HACD2: variants seen among roughly 807,000 people sequenced by gnomAD.
HACD2 encodes very-long-chain (3R)-3-hydroxyacyl-CoA dehydratase 2.
Under a neutral mutation model 31.0 loss-of-function variants are expected in HACD2, and 15 were observed. The observed-to-expected ratio is 0.48, with a 90% CI of 0.32 to 0.75. The LOEUF (loss-of-function observed/expected upper bound fraction) is 0.75. HACD2 is among the 30% of genes least tolerant of loss of function. The probability of loss-of-function intolerance (pLI) is 0.03; values close to 1 mark genes in which losing one functional copy is unlikely to be tolerated. For missense variants in HACD2, 283 were observed against 313.0 expected (o/e 0.90, Z 0.72); for synonymous variants, 115 against 122.2 (o/e 0.94, Z 0.39).
Position 123,582,159 on chromosome 3 carries a change from G to C in HACD2, c.273+53C>G, listed in dbSNP as rs191722233. 1.5e-4 allele frequency: 192 copies of C among 1,246,824 alleles called. 1 individual carries two copies. In the East Asian group the frequency reaches 4.6e-3, roughly 30 times the overall value. 77.2% of individuals were successfully genotyped at this position (1,246,824 alleles called of 1,614,324 possible). ...CTACTTCAATATAATTTAGTTGCAT[G>C]TTTTTCTTCATACCAATGGAAATCA... On this transcript the variant is annotated intron_variant, in intron 2 of 6. Transcript: ENST00000383657.
chr3:123,499,756 T>A, intron 6 of HACD2: 1 of 389,590 alleles, frequency 2.6e-6, no homozygotes, highest in South Asian at 1.9e-5. Flanking sequence ...TCGTTGGTTA[T>A]AAGAAGATCT....
intron 3 of HACD2, among the ~76,000 whole-genome samples, chr3:123,546,705 A>G (rs1354854138): frequency 5.9e-5 from 9 of 152,234 alleles, no homozygotes; most frequent in South Asian, 2.1e-4. Context: ...GAATTCTGGT[A>G]TGCATAACCA....
chr3:123,494,737 T>A lies in HACD2; in HGVS notation c.*151A>T. On this transcript the variant is annotated 3_prime_UTR_variant, in exon 7 of 7. Transcript: ENST00000383657. ...TTTCTAAAATAAAATCTCAGGCCCA[T>A]GTGACACTGGATTTTTGTTTTAGTT... The A allele has an allele frequency of 3.0e-6, 2 of 663,408 alleles. No individual in the cohort carries two copies. Among genetic ancestry groups the A allele is most frequent in the Middle Eastern group, 3.6e-4 (1 of 2,800 alleles). The allele number at this position is 663,408 out of a possible 1,614,324, so 41.1% of individuals were successfully genotyped here. A position where few individuals can be genotyped will look rare whatever the true frequency, so the allele number is the denominator to read the frequency against.
chr3:123,531,653 C>A (rs1283424334), intron 3 of HACD2, among the ~76,000 whole-genome samples: 2 of 152,204 alleles, frequency 1.3e-5, no homozygotes, highest in Non-Finnish European at 2.9e-5. Flanking sequence ...CACACACACA[C>A]ACAACGATTT....
intron 2 of HACD2, among the ~76,000 whole-genome samples, chr3:123,580,575 G>A (rs1370510945): frequency 6.6e-6 from 1 of 151,810 alleles, no homozygotes; most frequent in East Asian, 2.0e-4. Flanking sequence ...CTTGAGCCAA[G>A]GAGTTTGAGA....
chr3:123,521,098 C>T (rs998544377), intron 4 of HACD2, among the ~76,000 whole-genome samples: 2 of 152,022 alleles, frequency 1.3e-5, no homozygotes, highest in East Asian at 1.9e-4. Flanking sequence ...AGATACCACC[C>T]GACAGTATAG....
chr3:123,517,054 T>TGC (rs1195043440), intron 4 of HACD2, among the ~76,000 whole-genome samples: 1 of 152,232 alleles, frequency 6.6e-6, no homozygotes, highest in Admixed American at 6.5e-5. Flanking sequence ...GCAAAGCCCT[T>TGC]GCCATTTAAG....
rs1314023163 is a variant in HACD2 at position 123,528,532 on chromosome 3, T to C, written c.293-58A>G. ...TACTGTACTAAGTTTCGATATATAA[T>C]ATATTTTCTAAAACATTCCAACTTA... On this transcript the variant is annotated intron_variant, in intron 3 of 6. Coordinates refer to ENST00000383657, the MANE Select transcript of HACD2 (RefSeq NM_198402.5). 6.8e-6 allele frequency: 7 copies of C among 1,030,448 alleles called. No individual in the cohort carries two copies. In the Admixed American group the frequency reaches 7.1e-5, roughly 10 times the overall value. 63.8% of individuals were successfully genotyped at this position (1,030,448 alleles called of 1,614,324 possible).
At chr3:123,537,963 A>C (rs556900707) in intron 3 of HACD2, among the ~76,000 whole-genome samples, 6 of 152,332 alleles carry the variant, frequency 3.9e-5, no homozygotes, top group Admixed American at 2.0e-4. Context: ...TATAATCTTA[A>C]ACAGGAATTT....
chr3:123,509,846 A>T (rs1167928877), intron 4 of HACD2, among the ~76,000 whole-genome samples: 1 of 151,966 alleles, frequency 6.6e-6, no homozygotes, highest in African/African-American at 2.4e-5. Flanking sequence ...TTTCTCTGAC[A>T]GATTGTGTGG....
chr3:123,584,832 C>G (rs1257574742), intron 1 of HACD2, 41 bp downstream of exon 1: 1 of 1,443,366 alleles, frequency 6.9e-7, no homozygotes, highest in Non-Finnish European at 9.2e-7. Context: ...GCTCCCTCCC[C>G]GGCCGCGCTG....
intron 4 of HACD2, among the ~76,000 whole-genome samples, chr3:123,527,110 T>C (rs2056293976): frequency 6.6e-6 from 1 of 152,252 alleles, no homozygotes; most frequent in African/African-American, 2.4e-5. Context: ...ATTAATTATC[T>C]ATTTAAGAAT....
chr3:123,512,409 T>C (rs966610515), intron 4 of HACD2, among the ~76,000 whole-genome samples: 4 of 152,172 alleles, frequency 2.6e-5, no homozygotes, highest in Admixed American at 2.6e-4. Flanking sequence ...TTAGATAAGA[T>C]TCACCTGAGA....
chr3:123,528,701 T>C (rs1369883095), intron 3 of HACD2, among the ~76,000 whole-genome samples: 1 of 152,172 alleles, frequency 6.6e-6, no homozygotes, highest in Non-Finnish European at 1.5e-5. Flanking sequence ...AACCATGGGA[T>C]CCAGGTACCT....
At chr3:123,568,438 T>C (rs1488198138) in intron 2 of HACD2, among the ~76,000 whole-genome samples, 1 of 152,214 alleles carries the variant, frequency 6.6e-6, no homozygotes, top group Non-Finnish European at 1.5e-5. Flanking sequence ...TCCCTCTTGA[T>C]AACCAGCCTC....
intron 3 of HACD2, among the ~76,000 whole-genome samples, chr3:123,566,762 T>C (rs2107747001): frequency 6.6e-6 from 1 of 152,208 alleles, no homozygotes; most frequent in Non-Finnish European, 1.5e-5. Flanking sequence ...CCAGGCATGG[T>C]GGCGCACGCC....
chr3:123,503,347 C>T (rs1324148467), intron 4 of HACD2, among the ~76,000 whole-genome samples: 1 of 151,758 alleles, frequency 6.6e-6, no homozygotes, highest in Non-Finnish European at 1.5e-5. Context: ...TTGGGACCAT[C>T]TGCAAGGCAA....
intron 3 of HACD2, among the ~76,000 whole-genome samples, chr3:123,529,924 A>T (rs115828770): frequency 0.026 from 3,966 of 152,268 alleles, 68 homozygotes; most frequent in Middle Eastern, 0.088. Context: ...TAAAAAAAAA[A>T]ATATATTGAA....
chr3:123,539,172 A>G (rs1163655141), intron 3 of HACD2, among the ~76,000 whole-genome samples: 1 of 152,204 alleles, frequency 6.6e-6, no homozygotes. Context: ...AAGGAAGGCT[A>G]CCTTGCCTTT....
Sources: allele counts gnomAD v4.1 joint callset (sites outside exome capture counted in the v4.1 genomes callset), GRCh38; gene constraint gnomAD v4.1.1; transcripts MANE v1.5; gene names NCBI Gene and HGNC (gene_info 2026-07-23, HGNC 2026-07-21).